The following MMD variants were observed in gnomAD, a reference collection of about 807,000 sequenced individuals.
MMD encodes monocyte to macrophage differentiation associated.
Under a neutral mutation model 33.6 loss-of-function variants are expected in MMD, and 22 were observed. The ratio of observed to expected loss-of-function variants is 0.66; its 90% CI spans 0.47 to 0.94. The LOEUF is 0.94. MMD is among the 40% of genes least tolerant of loss of function. The probability of loss-of-function intolerance (pLI) is 0.00; values close to 1 mark genes in which losing one functional copy is unlikely to be tolerated. For synonymous variants in MMD, 97 were observed against 103.2 expected (o/e 0.94, Z 0.36); for missense variants, 242 against 309.8 (o/e 0.78, Z 1.64).
Position 55,412,266 on chromosome 17 carries a change from A to C in MMD, c.109-849T>G, listed in dbSNP as rs534859829. 1.6e-4 allele frequency among the ~76,000 whole-genome samples: 24 copies of C among 152,340 alleles called. No homozygotes were observed. In the South Asian group the frequency reaches 4.6e-3, roughly 29 times the overall value. Reference sequence around the variant, plus strand: ...GTTGAAGTTATATACCCTGATTTTCAGTTTGGATCTGTACATTCCACCAAT... The same window carrying C: ...GTTGAAGTTATATACCCTGATTTTCCGTTTGGATCTGTACATTCCACCAAT... On this transcript the variant is annotated intron_variant, in intron 2 of 6. Coordinates refer to ENST00000262065, the MANE Select transcript of MMD (RefSeq NM_012329.3).
At chr17:55,402,158 C>T (rs1337978755) in intron 5 of MMD, among the ~76,000 whole-genome samples, 2 of 151,454 alleles carry the variant, frequency 1.3e-5, no homozygotes, top group African/African-American at 4.9e-5. Context: ...TCGTTTAACC[C>T]ACTCCACCTT....
intron 1 of MMD, among the ~76,000 whole-genome samples, chr17:55,418,514 C>T (rs1035451420): frequency 2.0e-5 from 3 of 152,220 alleles, no homozygotes; most frequent in Admixed American, 2.0e-4. Flanking sequence ...ATCTCACACA[C>T]ACACAAAAAC....
chr17:55,405,244 C>T (rs1325250754), intron 4 of MMD, among the ~76,000 whole-genome samples: 11 of 151,824 alleles, frequency 7.2e-5, no homozygotes, highest in Admixed American at 7.2e-4. Flanking sequence ...GTGGCACGTG[C>T]CTGTAATCCC....
intron 1 of MMD, among the ~76,000 whole-genome samples, chr17:55,415,927 A>G (rs1907953962): frequency 6.6e-6 from 1 of 152,212 alleles, no homozygotes. Flanking sequence ...TCCCCTGATA[A>G]TATTTTAAAT....
At position 55,393,130 on chromosome 17, in the gene MMD, G is replaced by A. The variant is rs1906979253; in HGVS notation, c.*1204C>T. ...TAACAACATGTTAATCTTAATATAAGACACTGAGAGAAAAGTAAAAATAAT... is the reference window on the plus strand; with the variant it reads ...TAACAACATGTTAATCTTAATATAAAACACTGAGAGAAAAGTAAAAATAAT... On this transcript the variant is annotated 3_prime_UTR_variant, in exon 7 of 7. Coordinates refer to ENST00000262065, the MANE Select transcript of MMD (RefSeq NM_012329.3). The A allele has an allele frequency of 2.0e-5, 3 of 151,442 alleles. No individual in the cohort carries two copies. Among genetic ancestry groups the A allele is most frequent in the South Asian group, 4.2e-4 (2 of 4,802 alleles). 9.4% of individuals were successfully genotyped at this position (151,442 alleles called of 1,614,324 possible).
At chr17:55,396,341 G>A (rs1168719268) in intron 6 of MMD, among the ~76,000 whole-genome samples, 1 of 152,036 alleles carries the variant, frequency 6.6e-6, no homozygotes, top group Non-Finnish European at 1.5e-5. Context: ...TTTTTATCCA[G>A]TCTGACAATC....
chr17:55,409,100 G>T (rs1444582599), intron 3 of MMD, among the ~76,000 whole-genome samples: 2 of 152,294 alleles, frequency 1.3e-5, no homozygotes, highest in East Asian at 3.9e-4. Flanking sequence ...AAATACATTT[G>T]TGAGAAAGAA....
rs1447766893 is a variant in MMD at position 55,393,262 on chromosome 17, A to C, written c.*1072T>G. The stretch of plus-strand genomic sequence containing the variant: ...AATATTTTTTCTAGGAAAAAAAAAA[A>C]AAAACACAATATATGAGAAGATGCA... On this transcript the variant is annotated 3_prime_UTR_variant, in exon 7 of 7. Coordinates refer to ENST00000262065, the MANE Select transcript of MMD (RefSeq NM_012329.3). 4 of 152,220 alleles carry C rather than the reference A, an allele frequency of 2.6e-5. No homozygotes were observed. The East Asian group carries it at 7.7e-4, about 29-fold the overall frequency. The allele number at this position is 152,220 out of a possible 1,614,324, so 9.4% of individuals were successfully genotyped here.
At chr17:55,415,046 G>C (rs1907915046) in intron 1 of MMD, among the ~76,000 whole-genome samples, 1 of 152,236 alleles carries the variant, frequency 6.6e-6, no homozygotes, top group Non-Finnish European at 1.5e-5. Context: ...GTGACCATCA[G>C]TAGTACAGAG....
intron 4 of MMD, among the ~76,000 whole-genome samples, chr17:55,407,335 TA>T (rs954758086): frequency 8.3e-5 from 11 of 132,128 alleles, no homozygotes; most frequent in Non-Finnish European, 1.6e-4. Flanking sequence ...AATAAATAAA[TA>T]AATAAATAAA....
intron 1 of MMD, 28 bp from the exon 2 acceptor site, chr17:55,414,260 G>A: frequency 6.2e-7 from 1 of 1,606,214 alleles, no homozygotes; most frequent in South Asian, 1.1e-5. Flanking sequence ...ACACATGTAA[G>A]AAAAACTCAA....
chr17:55,397,158 G>C (rs906710671), intron 6 of MMD, among the ~76,000 whole-genome samples: 1 of 151,636 alleles, frequency 6.6e-6, no homozygotes, highest in African/African-American at 2.4e-5. Context: ...TAGCAATCCT[G>C]GTTTATTTAT....
chr17:55,405,709 G>A (rs570568525), intron 4 of MMD, among the ~76,000 whole-genome samples: 10 of 152,172 alleles, frequency 6.6e-5, no homozygotes, highest in African/African-American at 1.9e-4. Context: ...ACATGAAGCC[G>A]ACCTATAATT....
At chr17:55,411,706 T>C (rs1218965128) in intron 2 of MMD, among the ~76,000 whole-genome samples, 2 of 152,154 alleles carry the variant, frequency 1.3e-5, no homozygotes, top group Non-Finnish European at 1.5e-5. Flanking sequence ...TTTTTTTTTT[T>C]TATCCTAATT....
Position 55,403,686 on chromosome 17 carries a change from T to A in MMD, c.446+81A>T, listed in dbSNP as rs937990859. 14 of 985,340 alleles carry A rather than the reference T, an allele frequency of 1.4e-5. No individual in the cohort carries two copies. The African/African-American group carries it at 2.1e-4, about 15-fold the overall frequency. The allele number at this position is 985,340 out of a possible 1,614,324, so 61.0% of individuals were successfully genotyped here. On this transcript the variant is annotated intron_variant, in intron 5 of 6. Transcript: ENST00000262065. ...TATTTCTACTGTTTTGAAGTACAAATAAAAGTAAATTGTATTGCAGTGCAG... is the reference window on the plus strand; with the variant it reads ...TATTTCTACTGTTTTGAAGTACAAAAAAAAGTAAATTGTATTGCAGTGCAG...
In MMD at chr17:55,394,366, G is replaced by A. The variant is rs1052816837; in HGVS notation, c.685C>T (p.Arg229Ter). ...HYYAIWKYLY[R>*]SPTDFMRHL ...TGCCGCATAAAGTCCGTAGGACTTCGGTAAAGGTATTTCCAAATGGCGTAG... is the reference window on the plus strand; with the variant it reads ...TGCCGCATAAAGTCCGTAGGACTTCAGTAAAGGTATTTCCAAATGGCGTAG... Residue 229 changes from arginine to a stop codon, truncating the protein, a stop_gained, in exon 7 of 7, where the codon CGA becomes TGA. Coordinates refer to ENST00000262065, the MANE Select transcript of MMD (RefSeq NM_012329.3). LOFTEE classifies it high-confidence loss of function. 8.5e-6 allele frequency: 12 copies of A among 1,411,332 alleles called. No individual in the cohort carries two copies. The highest frequency in any genetic ancestry group is 3.6e-5 in the South Asian group (2 of 55,618). The allele number at this position is 1,411,332 out of a possible 1,614,324, so 87.4% of individuals were successfully genotyped here. A position where few individuals can be genotyped will look rare whatever the true frequency, so the allele number is the denominator to read the frequency against.
chr17:55,400,475 G>C (rs919095489), intron 6 of MMD, among the ~76,000 whole-genome samples: 1 of 151,950 alleles, frequency 6.6e-6, no homozygotes, highest in Admixed American at 6.6e-5. Context: ...CTTGAACTCA[G>C]GAGGCGGAGG....
At chr17:55,401,604 C>T (rs1453051535) in intron 5 of MMD, 66 bp from the exon 6 acceptor site, 8 of 1,288,750 alleles carry the variant, frequency 6.2e-6, no homozygotes, top group Non-Finnish European at 8.7e-6. Context: ...ATTTACATAC[C>T]AGCCTTTCCT....
intron 6 of MMD, among the ~76,000 whole-genome samples, chr17:55,398,246 C>T (rs781754152): frequency 6.6e-6 from 1 of 151,550 alleles, no homozygotes; most frequent in Non-Finnish European, 1.5e-5. Context: ...ATAGTTTCTA[C>T]AGACCTGGCT....
Sources: allele counts gnomAD v4.1 joint callset (sites outside exome capture counted in the v4.1 genomes callset), GRCh38; gene constraint gnomAD v4.1.1; transcripts MANE v1.5; gene names NCBI Gene and HGNC (gene_info 2026-07-23, HGNC 2026-07-21).